SDCBP2: variants seen among roughly 807,000 people sequenced by gnomAD.
The protein encoded by SDCBP2 is syntenin-2.
SDCBP2 carries 28 observed loss-of-function variants against 30.7 expected under a neutral mutation model. The ratio of observed to expected loss-of-function variants is 0.91; its 90% confidence interval spans 0.68 to 1.25. SDCBP2 has a LOEUF of 1.25. SDCBP2 is among the 50% of genes most tolerant of loss of function. The pLI, the probability that SDCBP2 is intolerant of heterozygous loss-of-function variation, is 0.00. For missense variants in SDCBP2, 399 were observed against 379.0 expected (o/e 1.05, Z -0.44); for synonymous variants, 166 against 157.3 (o/e 1.06, Z -0.41).
rs2088809405 is a variant in SDCBP2, at chr20:1,318,400, G to A, written c.143C>T (p.Ala48Val). 6.2e-7 allele frequency: 1 copy of A among 1,602,126 alleles called. No individual in the cohort carries two copies. The highest frequency in any genetic ancestry group is 1.3e-5 in the African/African-American group (1 of 74,422). Residue 48 changes from alanine to valine, a missense_variant, in exon 4 of 9, where the codon GCA (alanine) becomes GTA (valine). Coordinates refer to ENST00000360779, the MANE Select transcript of SDCBP2 (RefSeq NM_080489.5). ...AAGACCCATATAATTTTCCAGTTCT[G>A]CCAAGTTTGGGTACAAAACTGATAG... Reference protein sequence around the residue: ...SPPPVLYPNLAELENYMGLSL... With the variant: ...SPPPVLYPNLVELENYMGLSL...
rs2088837173 is a variant in SDCBP2, at chr20:1,320,443, G to A, written c.-19-8C>T. The A allele has an allele frequency of 1.9e-6, 3 of 1,606,926 alleles. No individual in the cohort carries two copies. The highest frequency in any genetic ancestry group is 2.2e-5 in the East Asian group (1 of 44,732). On this transcript the variant is annotated splice_region_variant and splice_polypyrimidine_tract_variant and intron_variant, in intron 1 of 8. Transcript: ENST00000360779. The surrounding 1 kb of genome is among the most constrained non-coding windows in gnomAD (Gnocchi z 4.7). ...GCTGATTCTCAGAACACCCTGCAGA[G>A]TGCAGAGGGTGGGGAAGGATAAGGA...
intron 1 of SDCBP2, among the ~76,000 whole-genome samples, chr20:1,327,082 A>G (rs2088938400): frequency 6.6e-6 from 1 of 152,186 alleles, no homozygotes; most frequent in Non-Finnish European, 1.5e-5. Flanking sequence ...TTCTGTGCTG[A>G]TGGCTTCCCA....
chr20:1,313,749 G>T lies in SDCBP2; in HGVS notation c.226-251C>A. On this transcript the variant is annotated intron_variant, in intron 4 of 8. Transcript: ENST00000360779. This position sits in a 1 kb window ranked among gnomAD's most constrained non-coding sequence, Gnocchi z 5.2. ...GGAAGGGGCGAGGATACAGGAAGAGGCCCTTCATTTCCCAAGGGAAACTGG... is the reference window on the plus strand; with the variant it reads ...GGAAGGGGCGAGGATACAGGAAGAGTCCCTTCATTTCCCAAGGGAAACTGG... 1 of 973,846 alleles carries T rather than the reference G, an allele frequency of 1.0e-6. No homozygotes were observed. The highest frequency in any genetic ancestry group is 1.4e-6 in the Non-Finnish European group (1 of 739,782). 60.3% of individuals were successfully genotyped at this position (973,846 alleles called of 1,614,324 possible).
chr20:1,312,910 AT>A, intron 5 of SDCBP2, 148 bp from the exon 6 acceptor site: 3 of 833,716 alleles, frequency 3.6e-6, no homozygotes, highest in Non-Finnish European at 5.5e-6. Context: ...AGGTTACCCC[AT>A]TTACCGGGGA....
In SDCBP2 at chr20:1,310,892, C is replaced by A; in HGVS notation, c.733-1G>T. The A allele has an allele frequency of 6.2e-7, 1 of 1,612,880 alleles. No homozygotes were observed. Among genetic ancestry groups the A allele is most frequent in the Non-Finnish European group, 8.5e-7 (1 of 1,179,094 alleles). ...CCAGAATCTCCATGATCTTTTTGTC[C>A]TAGGGAGGAGGCAAGTAAGCGATCA... On this transcript the variant is annotated splice_acceptor_variant, in intron 7 of 8. Coordinates refer to ENST00000360779, the MANE Select transcript of SDCBP2 (RefSeq NM_080489.5). LOFTEE classifies it high-confidence loss of function.
At chr20:1,317,008 G>A (rs1013697451) in intron 4 of SDCBP2, among the ~76,000 whole-genome samples, 7 of 152,188 alleles carry the variant, frequency 4.6e-5, no homozygotes, top group Admixed American at 6.5e-5. Context: ...CATACTGTAC[G>A]ATTCCACTTA....
In SDCBP2 at chr20:1,313,744, A is replaced by AC. The variant is rs1400772110; in HGVS notation, c.226-247_226-246insG. 91 of 1,019,126 alleles carry AC rather than the reference A, an allele frequency of 8.9e-5. No homozygotes were observed. The highest frequency in any genetic ancestry group is 1.1e-4 in the Non-Finnish European group (89 of 776,714). 63.1% of individuals were successfully genotyped at this position (1,019,126 alleles called of 1,614,324 possible). ...GGGAGGGAAGGGGCGAGGATACAGG[A>AC]AGAGGCCCTTCATTTCCCAAGGGAA... On this transcript the variant is annotated intron_variant, in intron 4 of 8. Transcript: ENST00000360779. The surrounding 1 kb of genome is among the most constrained non-coding windows in gnomAD (Gnocchi z 5.2).
chr20:1,312,722 GA>G lies in SDCBP2; in HGVS notation c.424del (p.Ser142ProfsTer31). 1 of 1,613,954 alleles carries G rather than the reference GA, an allele frequency of 6.2e-7. No individual in the cohort carries two copies. Among genetic ancestry groups the G allele is most frequent in the Non-Finnish European group, 8.5e-7 (1 of 1,180,014 alleles). On this transcript the variant is annotated frameshift_variant, in exon 6 of 9. Coordinates refer to ENST00000360779, the MANE Select transcript of SDCBP2 (RefSeq NM_080489.5). LOFTEE classifies it high-confidence loss of function. Reference sequence around the variant, plus strand: ...GTCCCCAAAGCGCAGCCCCACAAGGGATGCAGGGGTGTTGGCCTGGACCAAC... The same window carrying G: ...GTCCCCAAAGCGCAGCCCCACAAGGGTGCAGGGGTGTTGGCCTGGACCAAC... Reference protein sequence around the residue: ...VQLVQANTPASLVGLRFGDQL... With the variant: ...VQLVQANTPAXLVGLRFGDQL...
intron 4 of SDCBP2, among the ~76,000 whole-genome samples, chr20:1,315,017 A>G (rs2088755592): frequency 6.6e-6 from 1 of 152,236 alleles, no homozygotes; most frequent in South Asian, 2.1e-4. Flanking sequence ...TAAACTTTAT[A>G]TGAAAAGACA....
rs111534646 is a variant in SDCBP2 at position 1,318,910 on chromosome 20, A to G, written c.125-492T>C. Among the ~76,000 whole-genome samples the G allele has an allele frequency of 2.2e-3, 340 of 152,344 alleles. 1 individual carries two copies. Among genetic ancestry groups the G allele is most frequent in the African/African-American group, 7.7e-3 (322 of 41,580 alleles). On this transcript the variant is annotated intron_variant, in intron 3 of 8. Coordinates refer to ENST00000360779, the MANE Select transcript of SDCBP2 (RefSeq NM_080489.5). ...TCTGCAAGCCAGGAAGGGAGGCCTC[A>G]CCAGAAACTGAATTGGCCAGAACCT...
chr20:1,318,468 T>G, intron 3 of SDCBP2, 50 bp from the exon 4 acceptor site: 1 of 1,162,816 alleles, frequency 8.6e-7, no homozygotes, highest in Non-Finnish European at 1.2e-6. Context: ...GACATGTGCT[T>G]CCCTATGCCT....
At position 1,313,114 on chromosome 20, in the gene SDCBP2, C is replaced by T. The variant is rs1358991415; in HGVS notation, c.384+226G>A. ...GGCAGGTGGGGAAGGGAGGCTCCTC[C>T]GAGCGACGGAAGCCCACGGAGAGGC... On this transcript the variant is annotated intron_variant, in intron 5 of 8. Transcript: ENST00000360779. This position sits in a 1 kb window ranked among gnomAD's most constrained non-coding sequence, Gnocchi z 5.2. 3.3e-6 allele frequency: 2 copies of T among 602,688 alleles called. No individual in the cohort carries two copies. Among genetic ancestry groups the T allele is most frequent in the Non-Finnish European group, 5.8e-6 (2 of 342,826 alleles). 37.3% of individuals were successfully genotyped at this position (602,688 alleles called of 1,614,324 possible).
intron 4 of SDCBP2, among the ~76,000 whole-genome samples, chr20:1,314,904 G>T (rs189677692): frequency 1.8e-4 from 27 of 152,302 alleles, no homozygotes; most frequent in Non-Finnish European, 3.4e-4. Flanking sequence ...CGTGTTGAAA[G>T]AATTAGTAAA....
At chr20:1,318,916 A>T (rs2088816899) in intron 3 of SDCBP2, among the ~76,000 whole-genome samples, 1 of 152,232 alleles carries the variant, frequency 6.6e-6, no homozygotes, top group Non-Finnish European at 1.5e-5. Flanking sequence ...CCTCACCAGA[A>T]ACTGAATTGG....
At chr20:1,322,263 G>C (rs2088859194) in intron 1 of SDCBP2, 1 of 152,122 alleles carries the variant, frequency 6.6e-6, no homozygotes, top group Admixed American at 6.5e-5. Context: ...GCTTTGATTT[G>C]TGCTCCCCCT....
rs2122509406 is a variant in SDCBP2, at chr20:1,313,618, G to A, written c.226-120C>T. ...TGGAGCCGTCCCCGGGTCCCCCCAC[G>A]TCCCCAGTCCACGCTTCTCCCCTAG... On this transcript the variant is annotated intron_variant, in intron 4 of 8. Coordinates refer to ENST00000360779, the MANE Select transcript of SDCBP2 (RefSeq NM_080489.5). This position sits in a 1 kb window ranked among gnomAD's most constrained non-coding sequence, Gnocchi z 5.2. 7.0e-7 allele frequency: 1 copy of A among 1,424,518 alleles called. No homozygotes were observed. The highest frequency in any genetic ancestry group is 2.8e-5 in the Admixed American group (1 of 35,672). The allele number at this position is 1,424,518 out of a possible 1,614,324, so 88.2% of individuals were successfully genotyped here.
rs1229740054 is a variant in SDCBP2 at position 1,320,528 on chromosome 20, C to T, written c.-19-93G>A. On this transcript the variant is annotated intron_variant, in intron 1 of 8. Coordinates refer to ENST00000360779, the MANE Select transcript of SDCBP2 (RefSeq NM_080489.5). The surrounding 1 kb of genome is among the most constrained non-coding windows in gnomAD (Gnocchi z 4.7). ...ATCCGCAACAGCAAGCGGGTTGGAA[C>T]TTAATATTCAAACAGAAAGGCAGCA... The T allele has an allele frequency of 3.1e-6, 3 of 970,168 alleles. No individual in the cohort carries two copies. The Admixed American group carries it at 6.7e-5, about 22-fold the overall frequency. The allele number at this position is 970,168 out of a possible 1,614,324, so 60.1% of individuals were successfully genotyped here.
rs1222085715 is a variant in SDCBP2, at chr20:1,310,191, A to G, written c.*250T>C. ...GTTTAAACAGCCTGCCTCCGTGTCC[A>G]GCATTTAAATCAGCACAAGAGAATC... is the stretch of plus-strand genomic sequence containing the variant. On this transcript the variant is annotated 3_prime_UTR_variant, in exon 9 of 9. Transcript: ENST00000360779. The G allele has an allele frequency of 2.4e-6, 1 of 416,074 alleles. No individual in the cohort carries two copies. The highest frequency in any genetic ancestry group is 4.3e-6 in the Non-Finnish European group (1 of 233,166). The allele number at this position is 416,074 out of a possible 1,614,324, so 25.8% of individuals were successfully genotyped here.
chr20:1,312,258 G>T, intron 7 of SDCBP2, 79 bp downstream of exon 7: 1 of 1,422,826 alleles, frequency 7.0e-7, no homozygotes. Context: ...CTGAGGCTCA[G>T]GTGGGGTAAG....
Sources: gnomAD v4.1 joint callset for allele counts (sites outside exome capture counted in the v4.1 genomes callset) on GRCh38, gnomAD v4.1.1 for gene constraint, Gnocchi (gnomAD v3.1) non-coding constraint, MANE v1.5 for transcripts, NCBI Gene and HGNC (gene_info 2026-07-23, HGNC 2026-07-21) for gene names.